ABRAXAS2: variants seen among roughly 807,000 people sequenced by gnomAD.
ABRAXAS2 encodes BRISC complex subunit Abraxas 2.
ABRAXAS2 carries 23 observed loss-of-function variants against 49.0 expected under a neutral mutation model. The ratio of observed to expected loss-of-function variants is 0.47; its 90% CI spans 0.34 to 0.66. ABRAXAS2 has a LOEUF of 0.66. ABRAXAS2 is among the 30% of genes least tolerant of loss of function. The pLI is 0.01. For missense variants in ABRAXAS2, 443 were observed against 511.9 expected, an observed-to-expected ratio of 0.87 and a Z score of 1.30; for synonymous variants, 168 against 180.2, an observed-to-expected ratio of 0.93 and a Z score of 0.54.
intron 2 of ABRAXAS2, among the ~76,000 whole-genome samples, chr10:124,811,366 G>A (rs187961027): frequency 8.1e-4 from 123 of 152,224 alleles, no homozygotes; most frequent in African/African-American, 2.8e-3. Context: ...AACCATGAAA[G>A]AAAGACCTCT....
chr10:124,814,813 A>C (rs1950813362), intron 2 of ABRAXAS2: 1 of 150,806 alleles, frequency 6.6e-6, no homozygotes. Flanking sequence ...CACCCAGCTA[A>C]TTTTTGTATT....
intron 4 of ABRAXAS2, among the ~76,000 whole-genome samples, chr10:124,823,666 A>G (rs1459317986): frequency 6.6e-6 from 1 of 152,256 alleles, no homozygotes; most frequent in East Asian, 1.9e-4. Context: ...TGGATAGAAT[A>G]GTCTGTGTGA....
intron 1 of ABRAXAS2, among the ~76,000 whole-genome samples, chr10:124,806,340 G>T (rs928954801): frequency 2.6e-5 from 4 of 151,950 alleles, no homozygotes; most frequent in African/African-American, 9.6e-5. Context: ...CAAGAAAAAG[G>T]TTCATGTGGA....
chr10:124,818,353 G>A (rs962862883), intron 3 of ABRAXAS2, among the ~76,000 whole-genome samples: 4 of 147,512 alleles, frequency 2.7e-5, no homozygotes, highest in Non-Finnish European at 5.9e-5. Flanking sequence ...CCGAGATCGC[G>A]CCACTGCACT....
Position 124,835,151 on chromosome 10 carries a change from T to G in ABRAXAS2, c.*180T>G. On this transcript the variant is annotated 3_prime_UTR_variant, in exon 9 of 9. Transcript: ENST00000298492. ...CGCTGCTCTTTACCTTTGGATACAG[T>G]GTGCAAGTTTCATGACAGAATCATT... 1 of 523,526 alleles carries G rather than the reference T, an allele frequency of 1.9e-6. No individual in the cohort carries two copies. Among genetic ancestry groups the G allele is most frequent in the Non-Finnish European group, 3.3e-6 (1 of 299,360 alleles). 32.4% of individuals were successfully genotyped at this position (523,526 alleles called of 1,614,324 possible).
chr10:124,830,370 C>T (rs1950924279), intron 7 of ABRAXAS2, among the ~76,000 whole-genome samples: 1 of 152,172 alleles, frequency 6.6e-6, no homozygotes, highest in Admixed American at 6.5e-5. Context: ...TGCTTGAGTA[C>T]AGGAGGTCAA....
intron 4 of ABRAXAS2, among the ~76,000 whole-genome samples, chr10:124,821,944 T>C (rs769223753): frequency 3.3e-5 from 5 of 152,248 alleles, no homozygotes; most frequent in Non-Finnish European, 7.3e-5. Context: ...TTCACGTGTA[T>C]TGATACATTT....
intron 2 of ABRAXAS2, among the ~76,000 whole-genome samples, chr10:124,813,608 C>T (rs1191065126): frequency 6.6e-6 from 1 of 152,202 alleles, no homozygotes; most frequent in African/African-American, 2.4e-5. Context: ...GTTTACCTGT[C>T]AGTTAAGGTG....
At chr10:124,833,902 T>C (rs1483394343) in intron 8 of ABRAXAS2, among the ~76,000 whole-genome samples, 1 of 152,178 alleles carries the variant, frequency 6.6e-6, no homozygotes, top group Non-Finnish European at 1.5e-5. Context: ...TTTTTAAAGT[T>C]TTAAGGTATA....
At chr10:124,812,983 C>G (rs1224499509) in intron 2 of ABRAXAS2, among the ~76,000 whole-genome samples, 1 of 152,156 alleles carries the variant, frequency 6.6e-6, no homozygotes, top group African/African-American at 2.4e-5. Context: ...AGGCAGATCA[C>G]CTGAGGTCAG....
intron 2 of ABRAXAS2, among the ~76,000 whole-genome samples, chr10:124,809,155 AAAAG>A (rs1229882657): frequency 1.3e-5 from 2 of 152,172 alleles, no homozygotes; most frequent in African/African-American, 2.4e-5. Context: ...GAAAAAGAAA[AAAAG>A]AAAAGAAAAA....
At chr10:124,820,470 A>T (rs983628060) in intron 4 of ABRAXAS2, among the ~76,000 whole-genome samples, 7 of 152,028 alleles carry the variant, frequency 4.6e-5, no homozygotes, top group East Asian at 1.9e-4. Flanking sequence ...AATCTTCATT[A>T]TACTTTTTTT....
intron 2 of ABRAXAS2, among the ~76,000 whole-genome samples, chr10:124,807,830 A>G (rs1212453269): frequency 6.6e-6 from 1 of 152,146 alleles, no homozygotes; most frequent in East Asian, 1.9e-4. Flanking sequence ...CAAGTTTGCA[A>G]ATCAGGCTCT....
At chr10:124,810,167 A>G (rs1387713139) in intron 2 of ABRAXAS2, among the ~76,000 whole-genome samples, 1 of 152,166 alleles carries the variant, frequency 6.6e-6, no homozygotes, top group Non-Finnish European at 1.5e-5. Flanking sequence ...AAAAGATTGG[A>G]TACTCCTGCC....
intron 4 of ABRAXAS2, among the ~76,000 whole-genome samples, chr10:124,823,205 TATATAAC>T (rs1350499105): frequency 1.3e-5 from 2 of 152,212 alleles, no homozygotes; most frequent in Non-Finnish European, 2.9e-5. Flanking sequence ...ACAGAGATGA[TATATAAC>T]ACTTAGATTT....
chr10:124,834,348 C>A (rs532658860), intron 8 of ABRAXAS2, among the ~76,000 whole-genome samples, 154 bp from the exon 9 acceptor site: 2 of 152,236 alleles, frequency 1.3e-5, no homozygotes, highest in Non-Finnish European at 2.9e-5. Flanking sequence ...TGTAAATTAT[C>A]AAGTACTATG....
At chr10:124,819,533 G>A (rs1950847748) in intron 4 of ABRAXAS2, 83 bp downstream of exon 4, 4 of 1,249,008 alleles carry the variant, frequency 3.2e-6, no homozygotes, top group African/African-American at 3.0e-5. Context: ...ATGTAAAATG[G>A]AACAATAAGA....
intron 4 of ABRAXAS2, among the ~76,000 whole-genome samples, chr10:124,823,828 T>C (rs991541394): frequency 1.3e-5 from 2 of 152,254 alleles, no homozygotes; most frequent in African/African-American, 2.4e-5. Context: ...GTTCGTTAGC[T>C]CTAAAAGGTA....
Position 124,831,374 on chromosome 10 carries a change from G to A in ABRAXAS2, c.689G>A (p.Ser230Asn). Residue 230 changes from serine (S) to asparagine (N), a missense_variant, in exon 8 of 9, where the codon AGT (serine) becomes AAT (asparagine). Ser to Asn is a conservative substitution (Grantham distance 46, BLOSUM62 1). Around this residue, in one of 3 missense-constraint regions of ABRAXAS2, gnomAD observed 230 missense variants for 237.0 expected, o/e 0.97. Transcript: ENST00000298492. ...GCAGTGTGTGCAGATGTTGAAAAGA[G>A]TGAGCGAGTTGTTGAATCTTGTCAG... is the stretch of plus-strand genomic sequence containing the variant. ...VQAVCADVEK[S>N]ERVVESCQAE... is the part of the protein sequence containing the mutation. The A allele has an allele frequency of 2.5e-6, 4 of 1,612,710 alleles. No individual in the cohort carries two copies. The highest frequency in any genetic ancestry group is 3.4e-6 in the Non-Finnish European group (4 of 1,178,940).
Sources: allele counts gnomAD v4.1 joint callset (sites outside exome capture counted in the v4.1 genomes callset), GRCh38; gene constraint gnomAD v4.1.1; regional missense constraint gnomAD v4.1.1; transcripts MANE v1.5; gene names NCBI Gene and HGNC (gene_info 2026-07-23, HGNC 2026-07-21).